Variants in NKAIN3 observed in about 807,000 individuals in gnomAD.
NKAIN3 encodes sodium/potassium transporting ATPase interacting 3, also known as sodium/potassium-transporting ATPase subunit beta-1-interacting protein 3.
Under a neutral mutation model 30.2 loss-of-function variants are expected in NKAIN3, and 25 were observed. The ratio of observed to expected loss-of-function variants is 0.83; its 90% confidence interval spans 0.60 to 1.16. The LOEUF (loss-of-function observed/expected upper bound fraction) is 1.16, where lower values mean the gene tolerates loss of function less well. Among genes scored for constraint, NKAIN3 ranks in the 50% most tolerant of loss-of-function variants. The pLI, the probability that NKAIN3 is intolerant of heterozygous loss-of-function variation, is 0.00. For missense variants in NKAIN3, 225 were observed against 254.1 expected (o/e 0.89, Z 0.78); for synonymous variants, 91 against 89.6 (o/e 1.02, Z -0.09).
intron 1 of NKAIN3, among the ~76,000 whole-genome samples, chr8:62,412,915 AAAAAAAC>A (rs1328038236): frequency 1.2e-5 from 1 of 82,284 alleles, no homozygotes; most frequent in African/African-American, 4.8e-5. Flanking sequence ...CCGTCAAAAA[AAAAAAAC>A]AAAAAAAAAA....
At chr8:62,770,052 A>G (rs967914325) in intron 4 of NKAIN3, among the ~76,000 whole-genome samples, 2 of 152,212 alleles carry the variant, frequency 1.3e-5, no homozygotes, top group Admixed American at 1.3e-4. Context: ...TGACATGTCC[A>G]TCCCACGATT....
At chr8:62,939,947 C>T (rs1163686733) in intron 5 of NKAIN3, among the ~76,000 whole-genome samples, 2 of 152,052 alleles carry the variant, frequency 1.3e-5, no homozygotes, top group African/African-American at 2.4e-5. Flanking sequence ...GAATGCTCCA[C>T]TTAAAAGATA....
chr8:62,329,514 C>T (rs76414263), intron 1 of NKAIN3, among the ~76,000 whole-genome samples: 2,963 of 152,134 alleles, frequency 0.019, 95 homozygotes, highest in African/African-American at 0.065. Flanking sequence ...CCAGTGATCC[C>T]CAGTGTTTAT....
chr8:62,267,497 T>C (rs1282822843), intron 1 of NKAIN3, among the ~76,000 whole-genome samples: 1 of 152,192 alleles, frequency 6.6e-6, no homozygotes, highest in Non-Finnish European at 1.5e-5. Flanking sequence ...GGTGGTTGTC[T>C]TCTCTACACT....
chr8:62,622,541 G>A (rs1218457491), intron 3 of NKAIN3, among the ~76,000 whole-genome samples: 2 of 151,992 alleles, frequency 1.3e-5, no homozygotes, highest in African/African-American at 4.8e-5. Flanking sequence ...GGCTAATGAT[G>A]TTGAATATCT....
At chr8:62,447,626 A>C (rs1805525060) in intron 1 of NKAIN3, among the ~76,000 whole-genome samples, 1 of 151,988 alleles carries the variant, frequency 6.6e-6, no homozygotes, top group Non-Finnish European at 1.5e-5. Context: ...CAACCAACCA[A>C]TGCATATAGT....
chr8:62,755,036 T>G (rs1816407311), intron 4 of NKAIN3, among the ~76,000 whole-genome samples: 1 of 152,254 alleles, frequency 6.6e-6, no homozygotes, highest in Non-Finnish European at 1.5e-5. Flanking sequence ...TGCATTTATT[T>G]AACAAACTCA....
In NKAIN3 at chr8:62,974,926, T is replaced by C. The variant is rs1823911116; in HGVS notation, c.*9519T>C. Among the ~76,000 whole-genome samples the C allele has an allele frequency of 6.6e-6, 1 of 152,192 alleles. No homozygotes were observed. The highest frequency in any genetic ancestry group is 2.1e-4 in the South Asian group (1 of 4,832). On this transcript the variant is annotated 3_prime_UTR_variant, in exon 7 of 7. Transcript: ENST00000623646. ...CGCATCTATTGAGATAATCATGTGG[T>C]TTTTGTCATTGGTTCTGTTTATGTG...
At chr8:62,272,839 TA>T (rs1232851949) in intron 1 of NKAIN3, among the ~76,000 whole-genome samples, 1 of 152,220 alleles carries the variant, frequency 6.6e-6, no homozygotes, top group African/African-American at 2.4e-5. Context: ...AAGATGGCAT[TA>T]ATTTTTTTAA....
chr8:62,495,909 G>A (rs1416970817), intron 1 of NKAIN3, among the ~76,000 whole-genome samples: 1 of 152,056 alleles, frequency 6.6e-6, no homozygotes, highest in African/African-American at 2.4e-5. Context: ...TTCAGTGATG[G>A]AGCCCCAGCT....
At position 62,716,544 on chromosome 8, in the gene NKAIN3, C is replaced by T. The variant is rs528916789; in HGVS notation, c.274-30388C>T. 1.3e-4 allele frequency among the ~76,000 whole-genome samples: 20 copies of T among 152,100 alleles called. No individual in the cohort carries two copies. In the East Asian group the frequency reaches 1.9e-3, roughly 15 times the overall value. ...AGCAATTTTATAGAACACATATTAG[C>T]GAGAACATTAACAAAATGATCAGAA... is the stretch of plus-strand genomic sequence containing the variant. On this transcript the variant is annotated intron_variant, in intron 3 of 6. Transcript: ENST00000623646.
At chr8:62,464,176 A>T (rs1160860870) in intron 1 of NKAIN3, among the ~76,000 whole-genome samples, 1 of 152,188 alleles carries the variant, frequency 6.6e-6, no homozygotes, top group Non-Finnish European at 1.5e-5. Flanking sequence ...AATTCTCCAT[A>T]CTGTCTGTGC....
intron 1 of NKAIN3, among the ~76,000 whole-genome samples, chr8:62,380,180 C>T (rs993659187): frequency 6.6e-6 from 1 of 152,152 alleles, no homozygotes; most frequent in Non-Finnish European, 1.5e-5. Flanking sequence ...GAAATATAGA[C>T]AATGTAGCCT....
Position 62,912,152 on chromosome 8 carries a change from GGTAA to G in NKAIN3, c.472-6297_472-6294del, listed in dbSNP as rs529157733. Among the ~76,000 whole-genome samples, 4 of 152,196 alleles carry G rather than the reference GGTAA, an allele frequency of 2.6e-5. No homozygotes were observed. The South Asian group carries it at 6.2e-4, about 24-fold the overall frequency. ...ATACTATAGGCAATTGTAACACAAT[GGTAA>G]GTATTTATGTATCTAAATATATCTA... On this transcript the variant is annotated intron_variant, in intron 4 of 6. Coordinates refer to ENST00000623646, the MANE Select transcript of NKAIN3 (RefSeq NM_001304533.3).
chr8:62,464,281 T>C (rs1806087886), intron 1 of NKAIN3, among the ~76,000 whole-genome samples: 1 of 152,180 alleles, frequency 6.6e-6, no homozygotes, highest in Non-Finnish European at 1.5e-5. Flanking sequence ...ATTCTCAAAT[T>C]AAAACTCAGA....
Position 62,441,216 on chromosome 8 carries a change from T to A in NKAIN3, c.55-138323T>A, listed in dbSNP as rs531107096. On this transcript the variant is annotated intron_variant, in intron 1 of 6. Coordinates refer to ENST00000623646, the MANE Select transcript of NKAIN3 (RefSeq NM_001304533.3). ...AGATAATATTACTGATTTTAAGAGATAATATGCTATTTTTACTACTATATA... is the reference window on the plus strand; with the variant it reads ...AGATAATATTACTGATTTTAAGAGAAAATATGCTATTTTTACTACTATATA... Among the ~76,000 whole-genome samples, 639 of 152,282 alleles carry A rather than the reference T, an allele frequency of 4.2e-3. 8 individuals carry two copies. Among genetic ancestry groups the A allele is most frequent in the Non-Finnish European group, 5.1e-3 (345 of 68,022 alleles).
chr8:62,703,764 C>T (rs192410640), intron 3 of NKAIN3, among the ~76,000 whole-genome samples: 3 of 152,298 alleles, frequency 2.0e-5, no homozygotes, highest in Admixed American at 2.0e-4. Context: ...ATTTAAGCTA[C>T]ACACTTGATC....
intron 1 of NKAIN3, among the ~76,000 whole-genome samples, chr8:62,287,727 A>C (rs964789573): frequency 5.3e-5 from 8 of 152,132 alleles, no homozygotes; most frequent in African/African-American, 2.4e-5. Flanking sequence ...GCCTATTAAA[A>C]TATTCTGGTG....
At chr8:62,259,894 C>T (rs1812380483) in intron 1 of NKAIN3, among the ~76,000 whole-genome samples, 2 of 152,048 alleles carry the variant, frequency 1.3e-5, no homozygotes, top group Non-Finnish European at 1.5e-5. Context: ...GGTGGGTGGG[C>T]GGCAGGAGTT....
Sources: allele counts gnomAD v4.1 joint callset (sites outside exome capture counted in the v4.1 genomes callset), GRCh38; gene constraint gnomAD v4.1.1; transcripts MANE v1.5; gene names NCBI Gene and HGNC (gene_info 2026-07-23, HGNC 2026-07-21).